LHFPL2: variants seen among roughly 807,000 people sequenced by gnomAD.
LHFPL2 encodes the protein LHFPL tetraspan subfamily member 2 protein.
LHFPL2 carries 7 observed loss-of-function variants against 17.5 expected under a neutral mutation model. The ratio of observed to expected loss-of-function variants is 0.40; its 90% CI spans 0.23 to 0.75. The LOEUF (loss-of-function observed/expected upper bound fraction) is 0.75. LHFPL2 is among the 30% of genes least tolerant of loss of function. The pLI is 0.37. For missense variants in LHFPL2, 241 were observed against 294.8 expected, an observed-to-expected ratio of 0.82 and a Z score of 1.34; for synonymous variants, 134 against 116.2, an observed-to-expected ratio of 1.15 and a Z score of -0.99.
intron 4 of LHFPL2, among the ~76,000 whole-genome samples, chr5:78,505,725 AAAT>A (rs1375404037): frequency 6.6e-6 from 1 of 152,208 alleles, no homozygotes; most frequent in Admixed American, 6.5e-5. Flanking sequence ...TCCGGGAAAC[AAAT>A]AATATACTAA....
intron 4 of LHFPL2, among the ~76,000 whole-genome samples, chr5:78,503,425 C>T (rs140758638): frequency 1.1e-4 from 17 of 152,268 alleles, no homozygotes; most frequent in African/African-American, 2.4e-4. Context: ...TGGCCAGGTG[C>T]GGTGGCTCTG....
At chr5:78,583,974 GTTCAT>G (rs1277306880) in intron 2 of LHFPL2, among the ~76,000 whole-genome samples, 2 of 152,080 alleles carry the variant, frequency 1.3e-5, no homozygotes, top group Non-Finnish European at 2.9e-5. Flanking sequence ...TGGAGGCTTT[GTTCAT>G]TTCTTTTTAT....
At chr5:78,595,674 G>A (rs1743799528) in intron 2 of LHFPL2, among the ~76,000 whole-genome samples, 1 of 152,110 alleles carries the variant, frequency 6.6e-6, no homozygotes, top group African/African-American at 2.4e-5. Context: ...ACTACACGTG[G>A]CTAATTTTTT....
At chr5:78,568,174 G>T (rs1756907588) in intron 2 of LHFPL2, among the ~76,000 whole-genome samples, 2 of 152,246 alleles carry the variant, frequency 1.3e-5, no homozygotes, top group Non-Finnish European at 1.5e-5. Flanking sequence ...TTAAACACAT[G>T]GGTTCATGTA....
At chr5:78,583,044 C>T (rs1232524977) in intron 2 of LHFPL2, among the ~76,000 whole-genome samples, 1 of 152,138 alleles carries the variant, frequency 6.6e-6, no homozygotes, top group African/African-American at 2.4e-5. Context: ...TATGTAATGG[C>T]CTTGTCTCTT....
Position 78,488,820 on chromosome 5 carries a change from C to T in LHFPL2, c.*77G>A, listed in dbSNP as rs763314064. On this transcript the variant is annotated 3_prime_UTR_variant, in exon 5 of 5. Transcript: ENST00000380345. ...CTTTGGTAGGTAAAGGTTAGTTCTC[C>T]ACTTGACTCAAATGATGAAACTGTG... 7.6e-4 allele frequency: 1,166 copies of T among 1,537,082 alleles called. No individual in the cohort carries two copies. The highest frequency in any genetic ancestry group is 9.2e-4 in the Non-Finnish European group (1,042 of 1,130,374).
At chr5:78,621,685 G>A (rs1744861650) in intron 2 of LHFPL2, among the ~76,000 whole-genome samples, 1 of 152,032 alleles carries the variant, frequency 6.6e-6, no homozygotes, top group African/African-American at 2.4e-5. Flanking sequence ...TGGTTTCAAT[G>A]ACACCAATAC....
At chr5:78,624,123 G>C (rs1271100550) in intron 2 of LHFPL2, among the ~76,000 whole-genome samples, 1 of 152,214 alleles carries the variant, frequency 6.6e-6, no homozygotes, top group Non-Finnish European at 1.5e-5. Context: ...GGCCTGCAGA[G>C]AGCCTGCCAG....
intron 2 of LHFPL2, among the ~76,000 whole-genome samples, chr5:78,607,260 C>G (rs925432348): frequency 6.6e-6 from 1 of 151,598 alleles, no homozygotes; most frequent in African/African-American, 2.4e-5. Flanking sequence ...TTACAGGCAC[C>G]CGCCACCACC....
At chr5:78,616,112 T>TTTG (rs939754176) in intron 2 of LHFPL2, among the ~76,000 whole-genome samples, 1 of 114,586 alleles carries the variant, frequency 8.7e-6, no homozygotes, top group African/African-American at 3.4e-5. Context: ...TTCCCAGGTT[T>TTTG]TTGTTGTTGT....
At chr5:78,502,584 G>T (rs1754806448) in intron 4 of LHFPL2, among the ~76,000 whole-genome samples, 1 of 152,166 alleles carries the variant, frequency 6.6e-6, no homozygotes, top group African/African-American at 2.4e-5. Context: ...AGACAGGCAG[G>T]ATCACGAAAG....
chr5:78,557,919 A>G (rs912441175), intron 3 of LHFPL2, among the ~76,000 whole-genome samples: 1 of 152,242 alleles, frequency 6.6e-6, no homozygotes, highest in African/African-American at 2.4e-5. Context: ...TAACGGTTCC[A>G]CCCAGCATCA....
chr5:78,569,647 C>T (rs148497284), intron 2 of LHFPL2, among the ~76,000 whole-genome samples: 5 of 152,242 alleles, frequency 3.3e-5, no homozygotes, highest in Middle Eastern at 3.4e-3. Context: ...TTTCATGAAC[C>T]GTCTACCAAG....
In LHFPL2 at chr5:78,510,312, C is replaced by G; in HGVS notation, c.-99G>C. ...GGCTCGGGCGGCCCGGGAAGGAAGT[C>G]GCAGCTGCAGTCATTCACTCCCGCC... On this transcript the variant is annotated 5_prime_UTR_variant, in exon 4 of 5. Coordinates refer to ENST00000380345, the MANE Select transcript of LHFPL2 (RefSeq NM_005779.3). The G allele has an allele frequency of 8.3e-7, 1 of 1,205,876 alleles. No individual in the cohort carries two copies. The highest frequency in any genetic ancestry group is 1.1e-6 in the Non-Finnish European group (1 of 874,728). The allele number at this position is 1,205,876 out of a possible 1,614,324, so 74.7% of individuals were successfully genotyped here. A position where few individuals can be genotyped will look rare whatever the true frequency, so the allele number is the denominator to read the frequency against.
At chr5:78,566,132 A>C (rs1034689054) in intron 2 of LHFPL2, among the ~76,000 whole-genome samples, 3 of 152,244 alleles carry the variant, frequency 2.0e-5, no homozygotes, top group Admixed American at 1.3e-4. Flanking sequence ...TCCACTGATA[A>C]GCAAGAAAAC....
At chr5:78,514,412 G>C (rs992318447) in intron 3 of LHFPL2, among the ~76,000 whole-genome samples, 2 of 151,770 alleles carry the variant, frequency 1.3e-5, no homozygotes, top group Admixed American at 1.3e-4. Context: ...TAATACCAGA[G>C]AATAGGGAGC....
intron 4 of LHFPL2, among the ~76,000 whole-genome samples, chr5:78,506,100 T>A (rs1416108593): frequency 6.6e-6 from 1 of 152,234 alleles, no homozygotes; most frequent in Non-Finnish European, 1.5e-5. Context: ...TAACAGGCAA[T>A]GATTATATTT....
In LHFPL2 at chr5:78,576,889, T is replaced by A. The variant is rs537869367; in HGVS notation, c.-244-12018A>T. Among the ~76,000 whole-genome samples, 4 of 152,346 alleles carry A rather than the reference T, an allele frequency of 2.6e-5. No individual in the cohort carries two copies. The South Asian group carries it at 8.3e-4, about 32-fold the overall frequency. ...AGTGACATTGAACCAAGCAATCTTT[T>A]AGCATTTTATAGATCATTTAAAGCC... On this transcript the variant is annotated intron_variant, in intron 2 of 4. Transcript: ENST00000380345.
At chr5:78,631,088 A>G (rs1745227518) in intron 2 of LHFPL2, among the ~76,000 whole-genome samples, 1 of 152,238 alleles carries the variant, frequency 6.6e-6, no homozygotes, top group East Asian at 1.9e-4. Context: ...GCACTGATTT[A>G]AAAGTGTCGT....
Sources: allele counts gnomAD v4.1 joint callset (sites outside exome capture counted in the v4.1 genomes callset), GRCh38; gene constraint gnomAD v4.1.1; transcripts MANE v1.5; gene names NCBI Gene and HGNC (gene_info 2026-07-23, HGNC 2026-07-21).